The following SUPV3L1 variants were observed in gnomAD, a reference collection of about 807,000 sequenced individuals.
The protein encoded by SUPV3L1 is Suv3 like RNA helicase, also known as ATP-dependent RNA helicase SUPV3L1, mitochondrial.
A neutral mutation model predicts 70.0 loss-of-function variants in SUPV3L1; 35 were observed. That is an observed-to-expected ratio of 0.50 (90% CI 0.38 to 0.66). The LOEUF (loss-of-function observed/expected upper bound fraction) is 0.66. Among genes scored for constraint, SUPV3L1 ranks in the 30% least tolerant of loss-of-function variants. The probability of loss-of-function intolerance (pLI) is 0.00; values close to 1 mark genes in which losing one functional copy is unlikely to be tolerated. For synonymous variants in SUPV3L1, 364 were observed against 341.9 expected, an observed-to-expected ratio of 1.06 and a Z score of -0.71; for missense variants, 777 against 961.5, an observed-to-expected ratio of 0.81 and a Z score of 2.54.
At chr10:69,204,561 A>T (rs1388921434) in intron 13 of SUPV3L1, among the ~76,000 whole-genome samples, 2 of 152,206 alleles carry the variant, frequency 1.3e-5, no homozygotes, top group Non-Finnish European at 2.9e-5. Context: ...TAAAAAAAAA[A>T]TTACATAAAT....
rs1589377151 is a variant in SUPV3L1, at chr10:69,186,164, T to C, written c.349+100T>C. On this transcript the variant is annotated intron_variant, in intron 2 of 14. Transcript: ENST00000359655. ...CTCATGTGACCTGGCTGTTGTAGTC[T>C]GGAGACACGTCCCTGCTCTTTGCTT... 2.8e-6 allele frequency: 3 copies of C among 1,052,848 alleles called. No homozygotes were observed. In the East Asian group the frequency reaches 7.1e-5, roughly 25 times the overall value. The allele number at this position is 1,052,848 out of a possible 1,614,324, so 65.2% of individuals were successfully genotyped here.
chr10:69,199,390 A>T (rs1842627148), intron 10 of SUPV3L1, among the ~76,000 whole-genome samples, 193 bp downstream of exon 10: 1 of 152,114 alleles, frequency 6.6e-6, no homozygotes, highest in Non-Finnish European at 1.5e-5. Flanking sequence ...TAGTGCCAGG[A>T]CTTTTCTTAG....
At chr10:69,189,524 T>C (rs935985499) in intron 5 of SUPV3L1, 89 bp downstream of exon 5, 2 of 1,318,594 alleles carry the variant, frequency 1.5e-6, no homozygotes, top group African/African-American at 1.5e-5. Context: ...AATTTACTGT[T>C]AACAAGAAAT....
In SUPV3L1 at chr10:69,207,780, C is replaced by G; in HGVS notation, c.1777-13C>G. 1.9e-6 allele frequency: 3 copies of G among 1,607,648 alleles called. No individual in the cohort carries two copies. Among genetic ancestry groups the G allele is most frequent in the Non-Finnish European group, 1.7e-6 (2 of 1,177,130 alleles). On this transcript the variant is annotated splice_polypyrimidine_tract_variant and intron_variant, in intron 13 of 14. Transcript: ENST00000359655. Reference sequence around the variant, plus strand: ...GACACTTCTCTGAAACCCTTTTCCTCTTTCTCTCTCAGTTTGCCAGGCAGT... The same window carrying G: ...GACACTTCTCTGAAACCCTTTTCCTGTTTCTCTCTCAGTTTGCCAGGCAGT...
At chr10:69,194,355 AC>A (rs1842479303) in intron 6 of SUPV3L1, among the ~76,000 whole-genome samples, 1 of 150,384 alleles carries the variant, frequency 6.6e-6, no homozygotes, top group South Asian at 2.1e-4. Context: ...AGAAAAAAAA[AC>A]CTTTTTTTTT....
At chr10:69,199,348 C>T (rs906391630) in intron 10 of SUPV3L1, 151 bp downstream of exon 10, 22 of 641,010 alleles carry the variant, frequency 3.4e-5, no homozygotes, top group Admixed American at 6.3e-5. Flanking sequence ...CTTGCCTACA[C>T]CTATTGAGGG....
At chr10:69,198,655 C>T (rs1436518574) in intron 9 of SUPV3L1, 103 bp downstream of exon 9, 2 of 1,076,932 alleles carry the variant, frequency 1.9e-6, no homozygotes, top group Non-Finnish European at 1.3e-6. Flanking sequence ...AATTAAGCTG[C>T]TTGATGTATT....
In SUPV3L1 at chr10:69,208,682, G is replaced by A; in HGVS notation, c.2008G>A (p.Val670Met). The change falls in exon 15 of 15, where the codon GTG (valine) becomes ATG (methionine). Residue 670 changes from valine (V) to methionine (M), a missense_variant. Around this residue, in one of 2 missense-constraint regions of SUPV3L1, gnomAD observed 619 missense variants for 823.3 expected, o/e 0.75. Coordinates refer to ENST00000359655, the MANE Select transcript of SUPV3L1 (RefSeq NM_003171.5). ...ACTAGATGGTATTATCCAAGATGGT[G>A]TGCACAATATCACTAAATTGATTAA... ...KELDGIIQDGVHNITKLIKMS... is the reference protein window; with the variant it reads ...KELDGIIQDGMHNITKLIKMS... The A allele has an allele frequency of 1.9e-6, 3 of 1,614,180 alleles. No individual in the cohort carries two copies. The highest frequency in any genetic ancestry group is 2.2e-5 in the South Asian group (2 of 91,082).
chr10:69,208,003 G>T (rs532599623), intron 14 of SUPV3L1, 62 bp downstream of exon 14: 1 of 1,567,462 alleles, frequency 6.4e-7, no homozygotes, highest in African/African-American at 1.4e-5. Flanking sequence ...AAGGTTTTAT[G>T]AATTTGTTTT....
chr10:69,183,674 C>CAAGA, intron 1 of SUPV3L1, among the ~76,000 whole-genome samples: 1 of 151,996 alleles, frequency 6.6e-6, no homozygotes, highest in Non-Finnish European at 1.5e-5. Flanking sequence ...AAGAGTGAGA[C>CAAGA]CCTGTCTCAA....
intron 1 of SUPV3L1, 60 bp downstream of exon 1, chr10:69,180,622 G>T: frequency 1.3e-6 from 2 of 1,589,094 alleles, no homozygotes; most frequent in South Asian, 2.2e-5. Context: ...GAGGCTGGTT[G>T]GGAGGAAGCT....
At chr10:69,191,099 C>G (rs1395930125) in intron 5 of SUPV3L1, among the ~76,000 whole-genome samples, 1 of 152,172 alleles carries the variant, frequency 6.6e-6, no homozygotes, top group Non-Finnish European at 1.5e-5. Context: ...AAATGTGAAA[C>G]TGCTGCAGTG....
rs1183081011 is a variant in SUPV3L1 at position 69,205,064 on chromosome 10, C to T, written c.1776+2021C>T. 2.6e-5 allele frequency among the ~76,000 whole-genome samples: 4 copies of T among 152,312 alleles called. No individual in the cohort carries two copies. In the East Asian group the frequency reaches 7.7e-4, roughly 29 times the overall value. ...AGGATTACAGGCATGAGCCATTGTG[C>T]CCAGCCCTATCAACGTTATCTTAAT... On this transcript the variant is annotated intron_variant, in intron 13 of 14. Coordinates refer to ENST00000359655, the MANE Select transcript of SUPV3L1 (RefSeq NM_003171.5).
intron 14 of SUPV3L1, 141 bp from the exon 15 acceptor site, chr10:69,208,459 A>G: frequency 1.1e-6 from 1 of 900,244 alleles, no homozygotes; most frequent in Non-Finnish European, 1.7e-6. Context: ...GCAGAAATCA[A>G]GGTTGAGCAA....
rs554407990 is a variant in SUPV3L1, at chr10:69,183,804, TTAGAACATTTTTATC to T, written c.272-2182_272-2168del. 1.8e-4 allele frequency among the ~76,000 whole-genome samples: 28 copies of T among 152,270 alleles called. No homozygotes were observed. In the East Asian group the frequency reaches 5.2e-3, roughly 28 times the overall value. ...GTACAATCATCACCATAATTTCATT[TTAGAACATTTTTATC>T]ACCCTAAAAAGAAACCTGATATCTG... On this transcript the variant is annotated intron_variant, in intron 1 of 14. Transcript: ENST00000359655.
chr10:69,204,785 T>G (rs1384301599), intron 13 of SUPV3L1, among the ~76,000 whole-genome samples: 2 of 151,984 alleles, frequency 1.3e-5, no homozygotes, highest in Non-Finnish European at 2.9e-5. Context: ...ATCTTTTTTT[T>G]TTTTTTGAGA....
chr10:69,188,801 T>C (rs895468436), intron 4 of SUPV3L1, among the ~76,000 whole-genome samples: 3 of 152,178 alleles, frequency 2.0e-5, no homozygotes, highest in African/African-American at 7.2e-5. Flanking sequence ...GCCTCGCCTG[T>C]ACTTGTTTTT....
At chr10:69,202,256 A>C (rs546593867) in intron 11 of SUPV3L1, among the ~76,000 whole-genome samples, 183 bp from the exon 12 acceptor site, 1 of 152,104 alleles carries the variant, frequency 6.6e-6, no homozygotes, top group Non-Finnish European at 1.5e-5. Flanking sequence ...TAAATCATCA[A>C]CTTTTCTAAT....
At chr10:69,196,738 T>G (rs1156783103) in intron 7 of SUPV3L1, among the ~76,000 whole-genome samples, 1 of 152,152 alleles carries the variant, frequency 6.6e-6, no homozygotes, top group Non-Finnish European at 1.5e-5. Flanking sequence ...TAATCCTGGC[T>G]CATTTCACTC....
Sources: allele counts gnomAD v4.1 joint callset (sites outside exome capture counted in the v4.1 genomes callset), GRCh38; gene constraint gnomAD v4.1.1; regional missense constraint gnomAD v4.1.1; transcripts MANE v1.5; gene names NCBI Gene and HGNC (gene_info 2026-07-23, HGNC 2026-07-21).